SCNN1G: variants seen among roughly 807,000 people sequenced by gnomAD.
The protein encoded by SCNN1G is epithelial sodium channel subunit gamma.
Under a neutral mutation model 64.6 loss-of-function variants are expected in SCNN1G, and 27 were observed. The ratio of observed to expected loss-of-function variants is 0.42; its 90% CI spans 0.31 to 0.58. The LOEUF (loss-of-function observed/expected upper bound fraction) is 0.58. Ranked by LOEUF, SCNN1G falls within the 20% of genes least tolerant of loss-of-function variation. The pLI, the probability that SCNN1G is intolerant of heterozygous loss-of-function variation, is 0.18. For missense variants in SCNN1G, 743 were observed against 823.4 expected, an observed-to-expected ratio of 0.90 and a Z score of 1.19; for synonymous variants, 330 against 314.2, an observed-to-expected ratio of 1.05 and a Z score of -0.53.
chr16:23,199,456 A>G (rs1445615858), intron 6 of SCNN1G, among the ~76,000 whole-genome samples: 1 of 152,080 alleles, frequency 6.6e-6, no homozygotes, highest in Non-Finnish European at 1.5e-5. Flanking sequence ...AGTTTGTCAA[A>G]CAGGACATGT....
chr16:23,216,377 A>T lies in SCNN1G; in HGVS notation c.*908A>T, dbSNP rs1049433884. On this transcript the variant is annotated 3_prime_UTR_variant, in exon 13 of 13. Coordinates refer to ENST00000300061, the MANE Select transcript of SCNN1G (RefSeq NM_001039.4). ...GGGCAGCTGTTCCAAGACAGAGCTG[A>T]CCCTTCCATTACCAATGGCCTGTCC... 1.3e-5 allele frequency: 2 copies of T among 152,020 alleles called. No individual in the cohort carries two copies. Among genetic ancestry groups the T allele is most frequent in the African/African-American group, 4.8e-5 (2 of 41,344 alleles). The allele number at this position is 152,020 out of a possible 1,614,324, so 9.4% of individuals were successfully genotyped here. A position where few individuals can be genotyped will look rare whatever the true frequency, so the allele number is the denominator to read the frequency against.
intron 6 of SCNN1G, among the ~76,000 whole-genome samples, chr16:23,208,165 C>T (rs1433600559): frequency 1.3e-5 from 2 of 152,024 alleles, no homozygotes; most frequent in African/African-American, 4.8e-5. Context: ...TAAGCTAGAG[C>T]AAAATTTAGT....
chr16:23,209,611 C>G, intron 6 of SCNN1G, 139 bp from the exon 7 acceptor site: 1 of 708,444 alleles, frequency 1.4e-6, no homozygotes, highest in Non-Finnish European at 2.6e-6. Flanking sequence ...TTCTCACTAA[C>G]TTTTCATTAA....
At chr16:23,189,258 G>T in intron 2 of SCNN1G, 113 bp from the exon 3 acceptor site, 1 of 1,100,754 alleles carries the variant, frequency 9.1e-7, no homozygotes, top group Non-Finnish European at 1.4e-6. Flanking sequence ...CCAAGGAGTT[G>T]GGAAAGGTGG....
At chr16:23,205,905 A>G (rs1040208122) in intron 6 of SCNN1G, among the ~76,000 whole-genome samples, 1 of 152,146 alleles carries the variant, frequency 6.6e-6, no homozygotes, top group African/African-American at 2.4e-5. Flanking sequence ...CTGCCACTTT[A>G]GCCTGTTGAC....
chr16:23,194,502 A>G (rs1286521273), intron 5 of SCNN1G, among the ~76,000 whole-genome samples: 9 of 152,112 alleles, frequency 5.9e-5, no homozygotes, highest in African/African-American at 2.2e-4. Flanking sequence ...TCTTTGAGAG[A>G]GCGACAGGGA....
intron 3 of SCNN1G, among the ~76,000 whole-genome samples, chr16:23,190,424 C>G (rs1469388910): frequency 6.6e-6 from 1 of 152,056 alleles, no homozygotes; most frequent in African/African-American, 2.4e-5. Context: ...CTCATGGAGG[C>G]CTCTCAAAGG....
chr16:23,200,170 G>A (rs746099882), intron 6 of SCNN1G, among the ~76,000 whole-genome samples: 1 of 152,166 alleles, frequency 6.6e-6, no homozygotes, highest in Non-Finnish European at 1.5e-5. Context: ...CAAAGCCACT[G>A]AATCAGAATC....
In SCNN1G at chr16:23,212,160, G is replaced by C; in HGVS notation, c.1294+9G>C. On this transcript the variant is annotated intron_variant, in intron 8 of 12. Coordinates refer to ENST00000300061, the MANE Select transcript of SCNN1G (RefSeq NM_001039.4). ...GCAGCACCCCAACTGGAGTGAGTGA[G>C]ACCCAGCTCCAGCCTTGCATGCCCC... is the stretch of plus-strand genomic sequence containing the variant. 1 of 1,572,574 alleles carries C rather than the reference G, an allele frequency of 6.4e-7. No individual in the cohort carries two copies. The highest frequency in any genetic ancestry group is 8.8e-7 in the Non-Finnish European group (1 of 1,142,432).
rs538432386 is a variant in SCNN1G, at chr16:23,184,367, C to A, written c.-45+1554C>A. On this transcript the variant is annotated intron_variant, in intron 1 of 12. Coordinates refer to ENST00000300061, the MANE Select transcript of SCNN1G (RefSeq NM_001039.4). ...CAGTTTTATTTGACAAGCAATTGAA[C>A]CTGGACCTAGATTTTAAAAACAAAC... Among the ~76,000 whole-genome samples, 9 of 152,198 alleles carry A rather than the reference C, an allele frequency of 5.9e-5. No homozygotes were observed. In the South Asian group the frequency reaches 1.7e-3, roughly 28 times the overall value.
chr16:23,197,680 GA>G lies in SCNN1G; in HGVS notation c.1077+254del, dbSNP rs572059674. Among the ~76,000 whole-genome samples the G allele has an allele frequency of 2.3e-3, 350 of 152,222 alleles. 6 individuals are homozygous for G. Among genetic ancestry groups the G allele is most frequent in the Admixed American group, 0.02 (310 of 15,290 alleles). Reference sequence around the variant, plus strand: ...GACCGAGGTGAGGTCAAGAGTTTGAGACCAGCCTAGCCAACTTGGTGAAACC... The same window carrying G: ...GACCGAGGTGAGGTCAAGAGTTTGAGCCAGCCTAGCCAACTTGGTGAAACC... On this transcript the variant is annotated intron_variant, in intron 6 of 12. Coordinates refer to ENST00000300061, the MANE Select transcript of SCNN1G (RefSeq NM_001039.4).
intron 3 of SCNN1G, among the ~76,000 whole-genome samples, chr16:23,190,067 T>TAA (rs35779418): frequency 2.8e-4 from 41 of 146,360 alleles, no homozygotes; most frequent in South Asian, 1.3e-3. Context: ...GAGACTCTGT[T>TAA]AAAAAAAAAA....
intron 3 of SCNN1G, among the ~76,000 whole-genome samples, chr16:23,191,065 G>A (rs112397469): frequency 0.059 from 8,962 of 151,986 alleles, 348 homozygotes; most frequent in Non-Finnish European, 0.074. Flanking sequence ...GGCTGGTCTC[G>A]AACCCTCGAC....
chr16:23,190,286 A>G (rs1567263037), intron 3 of SCNN1G, among the ~76,000 whole-genome samples: 2 of 151,214 alleles, frequency 1.3e-5, no homozygotes, highest in African/African-American at 4.9e-5. Context: ...AGAAAGAAAG[A>G]AAAGAAAGGA....
intron 2 of SCNN1G, among the ~76,000 whole-genome samples, 175 bp downstream of exon 2, chr16:23,186,763 A>G (rs982293495): frequency 6.6e-6 from 1 of 152,078 alleles, no homozygotes; most frequent in Non-Finnish European, 1.5e-5. Context: ...CCCAGTTCTA[A>G]ATCTGTATGT....
chr16:23,214,727 A>G lies in SCNN1G; in HGVS notation c.1509A>G (p.Lys503=). The change falls in exon 12 of 13, where the codon AAA becomes AAG. Residue 503 remains lysine (K), a synonymous_variant. Transcript: ENST00000300061. ...AATTTTGCAGGACAGACTTGGCCAA[A>G]CTCTTGATATTCTACAAAGACCTGA... The part of the protein sequence containing the change: ...NKKLNKTDLA[K]LLIFYKDLNQ... 1.1e-5 allele frequency: 17 copies of G among 1,613,874 alleles called. No individual in the cohort carries two copies. Among genetic ancestry groups the G allele is most frequent in the Non-Finnish European group, 1.4e-5 (16 of 1,179,886 alleles).
At chr16:23,195,365 G>A (rs968800398) in intron 5 of SCNN1G, among the ~76,000 whole-genome samples, 1 of 152,170 alleles carries the variant, frequency 6.6e-6, no homozygotes, top group Non-Finnish European at 1.5e-5. Flanking sequence ...ATTCCACTAT[G>A]ATTACATTTC....
chr16:23,211,959 C>A, intron 7 of SCNN1G, 75 bp from the exon 8 acceptor site: 1 of 1,079,380 alleles, frequency 9.3e-7, no homozygotes, highest in Non-Finnish European at 1.4e-6. Context: ...ACCCCCTGGG[C>A]TGAGGGATGT....
At chr16:23,213,532 G>T (rs753922387) in intron 11 of SCNN1G, among the ~76,000 whole-genome samples, 1 of 152,070 alleles carries the variant, frequency 6.6e-6, no homozygotes, top group East Asian at 1.9e-4. Context: ...GATTATAGGC[G>T]TGAGCCACCA....
Sources: allele counts gnomAD v4.1 joint callset (sites outside exome capture counted in the v4.1 genomes callset), GRCh38; gene constraint gnomAD v4.1.1; transcripts MANE v1.5; gene names NCBI Gene and HGNC (gene_info 2026-07-23, HGNC 2026-07-21).